Variants in TPD52L2 observed in about 807,000 individuals in gnomAD.
The protein encoded by TPD52L2 is tumor protein D54.
TPD52L2 carries 19 observed loss-of-function variants against 24.7 expected under a neutral mutation model. The ratio of observed to expected loss-of-function variants is 0.77; its 90% confidence interval spans 0.54 to 1.13. The LOEUF (loss-of-function observed/expected upper bound fraction) is 1.13, where lower values mean the gene tolerates loss of function less well. TPD52L2 is among the 50% of genes most tolerant of loss of function. TPD52L2 has a pLI of 0.00. For synonymous variants in TPD52L2, 104 were observed against 100.2 expected (o/e 1.04, Z -0.23); for missense variants, 236 against 250.4 (o/e 0.94, Z 0.39).
chr20:63,876,847 G>C (rs1258099322), intron 4 of TPD52L2: 2 of 455,406 alleles, frequency 4.4e-6, no homozygotes, highest in Non-Finnish European at 8.8e-6. Context: ...TCGTGGGCAT[G>C]GCTACAGCAG....
At chr20:63,872,668 G>C (rs148595250) in intron 2 of TPD52L2, among the ~76,000 whole-genome samples, 1 of 151,722 alleles carries the variant, frequency 6.6e-6, no homozygotes, top group East Asian at 1.9e-4. Context: ...GTGAGCCACT[G>C]TGCCCGGCCA....
At chr20:63,871,848 G>T (rs142874820) in intron 2 of TPD52L2, among the ~76,000 whole-genome samples, 1,707 of 151,938 alleles carry the variant, frequency 0.011, 20 homozygotes, top group Non-Finnish European at 0.018. Context: ...TGGTCAGGCT[G>T]GTCTCGGACT....
intron 2 of TPD52L2, among the ~76,000 whole-genome samples, chr20:63,872,042 C>CT (rs34989051): frequency 0.012 from 1,255 of 106,906 alleles, 8 homozygotes; most frequent in African/African-American, 0.027. Flanking sequence ...AGGTCATGTT[C>CT]TTTTTTTTTT....
intron 2 of TPD52L2, among the ~76,000 whole-genome samples, chr20:63,871,942 G>T (rs1287591526): frequency 1.3e-5 from 2 of 151,626 alleles, no homozygotes; most frequent in Non-Finnish European, 2.9e-5. Context: ...CCAAGAAAGA[G>T]AATTTTTAAA....
chr20:63,886,385 G>C (rs903350929), intron 5 of TPD52L2, among the ~76,000 whole-genome samples: 2 of 151,422 alleles, frequency 1.3e-5, no homozygotes, highest in African/African-American at 2.4e-5. Flanking sequence ...TTTTTAGACG[G>C]AGTCTTGCTC....
intron 5 of TPD52L2, among the ~76,000 whole-genome samples, chr20:63,885,587 T>G (rs1194857302): frequency 1.3e-5 from 2 of 151,872 alleles, no homozygotes; most frequent in African/African-American, 4.9e-5. Flanking sequence ...CACGGGCCGC[T>G]CTCGTTCTGT....
chr20:63,880,453 A>G (rs542379210), intron 4 of TPD52L2, among the ~76,000 whole-genome samples: 158 of 151,698 alleles, frequency 1.0e-3, no homozygotes, highest in African/African-American at 3.7e-3. Flanking sequence ...CCCCATCCCC[A>G]CTCTTTAGGC....
intron 4 of TPD52L2, among the ~76,000 whole-genome samples, chr20:63,876,483 A>G (rs1235578071): frequency 1.3e-5 from 2 of 152,178 alleles, no homozygotes; most frequent in Non-Finnish European, 2.9e-5. Context: ...GACTCCTAAT[A>G]TTTGGAGATC....
intron 5 of TPD52L2, 146 bp downstream of exon 5, chr20:63,882,966 C>G: frequency 1.6e-6 from 1 of 642,412 alleles, no homozygotes; most frequent in Non-Finnish European, 2.7e-6. Context: ...CCCGACCAGT[C>G]TGTGTGCAGA....
chr20:63,866,395 GCCCGGCT>G (rs2052235890), intron 1 of TPD52L2, among the ~76,000 whole-genome samples: 1 of 151,974 alleles, frequency 6.6e-6, no homozygotes, highest in Non-Finnish European at 1.5e-5. Context: ...GAGCCACTGT[GCCCGGCT>G]ACATATTAAG....
At chr20:63,866,361 C>G (rs764989211) in intron 1 of TPD52L2, among the ~76,000 whole-genome samples, 1 of 152,188 alleles carries the variant, frequency 6.6e-6, no homozygotes, top group Admixed American at 6.5e-5. Flanking sequence ...CCTCAGCCTC[C>G]CAAAGTGCTG....
intron 4 of TPD52L2, chr20:63,876,641 CA>C: frequency 2.5e-6 from 1 of 399,206 alleles, no homozygotes; most frequent in South Asian, 1.7e-5. Flanking sequence ...TGCCACAGAA[CA>C]TGGGCAGAAA....
intron 2 of TPD52L2, among the ~76,000 whole-genome samples, chr20:63,870,585 G>T (rs1194694375): frequency 7.0e-6 from 1 of 142,212 alleles, no homozygotes; most frequent in Non-Finnish European, 1.5e-5. Context: ...GTGCAGTGGC[G>T]CAATCTCGGC....
In TPD52L2 at chr20:63,890,057, G is replaced by C; in HGVS notation, c.*112G>C. 1 of 1,553,272 alleles carries C rather than the reference G, an allele frequency of 6.4e-7. No homozygotes were observed. Among genetic ancestry groups the C allele is most frequent in the African/African-American group, 1.4e-5 (1 of 73,740 alleles). On this transcript the variant is annotated 3_prime_UTR_variant, in exon 7 of 7. Coordinates refer to ENST00000346249, the MANE Select transcript of TPD52L2 (RefSeq NM_003288.4). The stretch of plus-strand genomic sequence containing the variant: ...AGGGCGGATGAGCAGAGCCGGCCCT[G>C]AGGACAGTCCTGCCCATCCACGCGG...
At chr20:63,881,075 G>A (rs778655189) in intron 4 of TPD52L2, among the ~76,000 whole-genome samples, 34 of 151,864 alleles carry the variant, frequency 2.2e-4, no homozygotes, top group Non-Finnish European at 4.1e-4. Context: ...CCTGTCATCC[G>A]AGCGGGCTGG....
chr20:63,886,507 G>GT (rs2053117413), intron 5 of TPD52L2, among the ~76,000 whole-genome samples: 1 of 151,610 alleles, frequency 6.6e-6, no homozygotes, highest in Non-Finnish European at 1.5e-5. Flanking sequence ...GACTACAGGC[G>GT]CCCGCCGCCA....
intron 5 of TPD52L2, chr20:63,887,859 C>T: frequency 7.1e-6 from 4 of 560,410 alleles, no homozygotes; most frequent in Non-Finnish European, 9.5e-6. Flanking sequence ...GTGTCCTTTC[C>T]AAGTCCTGAC....
chr20:63,867,480 C>T (rs2052295604), intron 1 of TPD52L2, among the ~76,000 whole-genome samples: 3 of 151,598 alleles, frequency 2.0e-5, no homozygotes, highest in South Asian at 4.2e-4. Context: ...GCAGGAGAAT[C>T]GATTGAACCC....
At chr20:63,867,597 A>C (rs1264162051) in intron 1 of TPD52L2, among the ~76,000 whole-genome samples, 2 of 151,960 alleles carry the variant, frequency 1.3e-5, no homozygotes, top group East Asian at 3.9e-4. Context: ...TGGATAAAAA[A>C]GTGGATACGC....
Sources: gnomAD v4.1 joint callset for allele counts (sites outside exome capture counted in the v4.1 genomes callset) on GRCh38, gnomAD v4.1.1 for gene constraint, MANE v1.5 for transcripts, NCBI Gene and HGNC (gene_info 2026-07-23, HGNC 2026-07-21) for gene names.